Variants in XKR5 observed in about 807,000 individuals in gnomAD.
XKR5 encodes the protein XK related 5.
XKR5 carries 46 observed loss-of-function variants against 40.8 expected under a neutral mutation model. The observed-to-expected ratio is 1.13, with a 90% CI of 0.89 to 1.44. The LOEUF (loss-of-function observed/expected upper bound fraction) is 1.44, where lower values mean the gene tolerates loss of function less well. XKR5 is among the 40% of genes most tolerant of loss of function. XKR5 has a pLI of 0.00. For missense variants in XKR5, 1,169 were observed against 844.7 expected, an observed-to-expected ratio of 1.38 and a Z score of -4.76; for synonymous variants, 466 against 356.1, an observed-to-expected ratio of 1.31 and a Z score of -3.48.
At chr8:6,816,690 A>C (rs1171626814) in intron 5 of XKR5, among the ~76,000 whole-genome samples, 1 of 44,654 alleles carries the variant, frequency 2.2e-5, no homozygotes, top group African/African-American at 1.1e-4. Context: ...TAATTTAATT[A>C]AAAATAATTT....
intron 2 of XKR5, among the ~76,000 whole-genome samples, chr8:6,827,349 G>A (rs555144088): frequency 6.6e-6 from 1 of 152,320 alleles, no homozygotes; most frequent in East Asian, 1.9e-4. Flanking sequence ...CAAGCTGGAT[G>A]CATCTCGAAG....
chr8:6,834,466 C>T (rs1016315315), intron 1 of XKR5, among the ~76,000 whole-genome samples: 1 of 152,228 alleles, frequency 6.6e-6, no homozygotes, highest in Non-Finnish European at 1.5e-5. Flanking sequence ...CCAGTCCGTG[C>T]CCAGCTGGAG....
chr8:6,821,943 C>T lies in XKR5; in HGVS notation c.733G>A (p.Gly245Arg), dbSNP rs1473703863. 6.2e-7 allele frequency: 1 copy of T among 1,612,968 alleles called. No individual in the cohort carries two copies. Among genetic ancestry groups the T allele is most frequent in the East Asian group, 2.2e-5 (1 of 44,854 alleles). Residue 245 changes from glycine to arginine, a missense_variant, in exon 5 of 7, where the codon GGG becomes AGG. Coordinates refer to ENST00000618742, the MANE Select transcript of XKR5 (RefSeq NM_207411.5). Reference sequence around the variant, plus strand: ...AGGTAGCAGAGGATGTACACGGCCCCCACGAGCAGGTTGAACAGCCTCCAG... The same window carrying T: ...AGGTAGCAGAGGATGTACACGGCCCTCACGAGCAGGTTGAACAGCCTCCAG... The part of the protein sequence containing the change: ...CHWRLFNLLV[G>R]AVYILCYLSF...
At chr8:6,829,158 G>A (rs898562972) in intron 2 of XKR5, 1 of 167,614 alleles carries the variant, frequency 6.0e-6, no homozygotes, top group African/African-American at 2.4e-5. Flanking sequence ...TGCTGAACCT[G>A]TCTTACATAC....
chr8:6,828,701 C>T (rs1203149547), intron 2 of XKR5, among the ~76,000 whole-genome samples: 2 of 152,202 alleles, frequency 1.3e-5, no homozygotes, highest in African/African-American at 4.8e-5. Context: ...CCTGCATGGA[C>T]CCCGTCCCTC....
chr8:6,821,454 T>C (rs1291249894), intron 5 of XKR5, among the ~76,000 whole-genome samples: 1 of 152,174 alleles, frequency 6.6e-6, no homozygotes, highest in African/African-American at 2.4e-5. Context: ...TCTGAAGAAG[T>C]ATTAGGCCAC....
intron 5 of XKR5, among the ~76,000 whole-genome samples, chr8:6,816,338 G>T (rs114996482): frequency 0.014 from 2,129 of 152,270 alleles, 46 homozygotes; most frequent in African/African-American, 0.049. Context: ...GAATTCCAGG[G>T]AGCTAGGGTC....
In XKR5 at chr8:6,821,722, T is replaced by A. The variant is rs1034753114; in HGVS notation, c.807+147A>T. ...ATCTCTGTTCAAGACTATCATTTCT[T>A]TAAGAATTTTTCTTAAACTAAGCTA... is the stretch of plus-strand genomic sequence containing the variant. On this transcript the variant is annotated intron_variant, in intron 5 of 6. Coordinates refer to ENST00000618742, the MANE Select transcript of XKR5 (RefSeq NM_207411.5). 1.5e-5 allele frequency: 10 copies of A among 649,990 alleles called. No individual in the cohort carries two copies. In the African/African-American group the frequency reaches 1.9e-4, roughly 12 times the overall value. 40.3% of individuals were successfully genotyped at this position (649,990 alleles called of 1,614,324 possible).
At position 6,811,226 on chromosome 8, in the gene XKR5, A is replaced by G. The variant is rs987312312; in HGVS notation, c.2033T>C (p.Met678Thr). 2.0e-6 allele frequency: 3 copies of G among 1,537,070 alleles called. No homozygotes were observed. The highest frequency in any genetic ancestry group is 2.4e-5 in the East Asian group (1 of 40,912). The change falls in exon 7 of 7, where the codon ATG (methionine) becomes ACG (threonine). Residue 678 changes from methionine to threonine, a missense_variant. Physicochemically the swap from Met to Thr is moderately conservative, Grantham distance 81. Transcript: ENST00000618742. ...IQTDCSCREQ[M>T]KQEPSFFI Reference sequence around the variant, plus strand: ...GATGAAAAAACTCGGCTCTTGCTTCATCTGTTCCCTGCAGCTGCAGTCCGT... The same window carrying G: ...GATGAAAAAACTCGGCTCTTGCTTCGTCTGTTCCCTGCAGCTGCAGTCCGT...
intron 1 of XKR5, among the ~76,000 whole-genome samples, chr8:6,834,068 T>C (rs1321329233): frequency 1.3e-5 from 2 of 152,250 alleles, no homozygotes; most frequent in East Asian, 3.9e-4. Context: ...CCTTTTCTCC[T>C]ACTTTCACAT....
chr8:6,823,587 C>G lies in XKR5; in HGVS notation c.571G>C (p.Gly191Arg). The stretch of plus-strand genomic sequence containing the variant: ...AGAACCAGACTCAGCACGCGGGTTC[C>G]CAACATGCCCATCCTCCAGAGCTGC... ...CQQLWRMGML[G>R]TRVLSLVLFY... The change falls in exon 4 of 7, where the codon GGA becomes CGA. Residue 191 changes from glycine (G) to arginine (R), a missense_variant. By Grantham distance (125) the Gly-to-Arg change is moderately radical. Coordinates refer to ENST00000618742, the MANE Select transcript of XKR5 (RefSeq NM_207411.5). 1 of 1,596,570 alleles carries G rather than the reference C, an allele frequency of 6.3e-7. No homozygotes were observed. The highest frequency in any genetic ancestry group is 8.5e-7 in the Non-Finnish European group (1 of 1,171,628).
At chr8:6,825,471 G>C (rs1804423237) in intron 2 of XKR5, 122 bp from the exon 3 acceptor site, 9 of 911,128 alleles carry the variant, frequency 9.9e-6, no homozygotes, top group Non-Finnish European at 1.4e-5. Flanking sequence ...TAGTCACCTA[G>C]AGTTACTAGT....
chr8:6,832,979 C>G, intron 1 of XKR5, 79 bp from the exon 2 acceptor site: 1 of 1,273,218 alleles, frequency 7.9e-7, no homozygotes, highest in East Asian at 2.8e-5. Flanking sequence ...AACAACTGAA[C>G]ATTTTCTGGA....
chr8:6,820,863 C>T (rs190769444), intron 5 of XKR5, among the ~76,000 whole-genome samples: 111 of 152,280 alleles, frequency 7.3e-4, no homozygotes, highest in Admixed American at 5.2e-3. Flanking sequence ...TGCATCCTGC[C>T]TTTACCTTCA....
At chr8:6,814,390 T>G (rs1228052577) in intron 6 of XKR5, among the ~76,000 whole-genome samples, 1 of 152,120 alleles carries the variant, frequency 6.6e-6, no homozygotes, top group Non-Finnish European at 1.5e-5. Context: ...GTGCACACAC[T>G]GTGTGGTACT....
chr8:6,815,372 G>A (rs1034094831), intron 6 of XKR5, among the ~76,000 whole-genome samples: 3 of 152,066 alleles, frequency 2.0e-5, no homozygotes, highest in Non-Finnish European at 4.4e-5. Context: ...TGGATCTTTC[G>A]GGGACTCAAC....
Position 6,811,349 on chromosome 8 carries a change from C to G in XKR5, c.1910G>C (p.Ser637Thr), listed in dbSNP as rs1241526123. Residue 637 changes from serine (S) to threonine (T), a missense_variant, in exon 7 of 7, where the codon AGT becomes ACT. Ser to Thr is a moderately conservative substitution (Grantham distance 58, BLOSUM62 1). Coordinates refer to ENST00000618742, the MANE Select transcript of XKR5 (RefSeq NM_207411.5). ...EEPLEPKREL[S>T]HHAAVGVWVS... ...CCACACACCAACAGCTGCATGGTGA[C>G]TTAGCTCCCTTTTGGGCTCCAGCGG... 1 of 1,537,382 alleles carries G rather than the reference C, an allele frequency of 6.5e-7. No individual in the cohort carries two copies. The highest frequency in any genetic ancestry group is 8.7e-7 in the Non-Finnish European group (1 of 1,146,938).
In XKR5 at chr8:6,810,984, C is replaced by T; in HGVS notation, c.*214G>A. Reference sequence around the variant, plus strand: ...CTCCTCCTCTAAAGTATGTTAGAGTCTCTCCTATGCATGGGTGGGGTCTGT... The same window carrying T: ...CTCCTCCTCTAAAGTATGTTAGAGTTTCTCCTATGCATGGGTGGGGTCTGT... On this transcript the variant is annotated 3_prime_UTR_variant, in exon 7 of 7. Transcript: ENST00000618742. The T allele has an allele frequency of 2.0e-6, 1 of 503,332 alleles. No homozygotes were observed. The highest frequency in any genetic ancestry group is 3.5e-6 in the Non-Finnish European group (1 of 287,046). 31.2% of individuals were successfully genotyped at this position (503,332 alleles called of 1,614,324 possible). A position where few individuals can be genotyped will look rare whatever the true frequency, so the allele number is the denominator to read the frequency against.
intron 2 of XKR5, among the ~76,000 whole-genome samples, chr8:6,827,011 T>C (rs1357415957): frequency 6.6e-6 from 1 of 152,162 alleles, no homozygotes; most frequent in Non-Finnish European, 1.5e-5. Context: ...CATGAGCCTA[T>C]GCCAGGCACC....
Sources: allele counts gnomAD v4.1 joint callset (sites outside exome capture counted in the v4.1 genomes callset), GRCh38; gene constraint gnomAD v4.1.1; transcripts MANE v1.5; gene names NCBI Gene and HGNC (gene_info 2026-07-23, HGNC 2026-07-21).